Variants in USP40 observed in about 807,000 individuals in gnomAD.
USP40 encodes the protein ubiquitin specific peptidase 40.
In USP40, 143 loss-of-function variants were observed where a neutral mutation model predicts 166.2. The ratio of observed to expected loss-of-function variants is 0.86; its 90% CI spans 0.75 to 0.99. The LOEUF is 0.99. Among genes scored for constraint, USP40 ranks in the 50% least tolerant of loss-of-function variants. USP40 has a pLI of 0.00. For synonymous variants in USP40, 498 were observed against 524.0 expected, an observed-to-expected ratio of 0.95 and a Z score of 0.68; for missense variants, 1,444 against 1,479.7, an observed-to-expected ratio of 0.98 and a Z score of 0.40.
At chr2:233,520,171 A>C (rs1474101154) in intron 17 of USP40, among the ~76,000 whole-genome samples, 2 of 152,086 alleles carry the variant, frequency 1.3e-5, no homozygotes, top group African/African-American at 2.4e-5. Context: ...GTTTAACCTA[A>C]TTTCCTCTAG....
At chr2:233,547,082 A>G (rs2070017859) in intron 8 of USP40, 1 of 152,206 alleles carries the variant, frequency 6.6e-6, no homozygotes, top group Non-Finnish European at 1.5e-5. Context: ...AGCAAAAGAA[A>G]TGGAAGGCAA....
At position 233,477,195 on chromosome 2, in the gene USP40, C is replaced by T. The variant is rs959139862; in HGVS notation, c.*197G>A. 10 of 598,622 alleles carry T rather than the reference C, an allele frequency of 1.7e-5. No individual in the cohort carries two copies. Among genetic ancestry groups the T allele is most frequent in the Non-Finnish European group, 2.7e-5 (9 of 329,484 alleles). 37.1% of individuals were successfully genotyped at this position (598,622 alleles called of 1,614,324 possible). On this transcript the variant is annotated 3_prime_UTR_variant, in exon 32 of 32. Transcript: ENST00000678225. The stretch of plus-strand genomic sequence containing the variant: ...TGGGCGACATCCAGAGCTGCACCAG[C>T]CCCCGTGGCTGCCACGTGTTGCAGA...
At chr2:233,533,926 T>G (rs922469700) in intron 10 of USP40, 147 bp from the exon 11 acceptor site, 1 of 827,258 alleles carries the variant, frequency 1.2e-6, no homozygotes, top group Non-Finnish European at 1.8e-6. Flanking sequence ...AAAATCCATC[T>G]AGGTATCATA....
intron 19 of USP40, chr2:233,512,309 G>GA (rs2066893765): frequency 3.9e-6 from 1 of 254,778 alleles, no homozygotes; most frequent in African/African-American, 2.2e-5. Flanking sequence ...AATAAAGCTG[G>GA]AAAAAATATA....
chr2:233,527,655 C>T (rs1490658145), intron 12 of USP40, 77 bp from the exon 13 acceptor site: 31 of 1,302,652 alleles, frequency 2.4e-5, no homozygotes, highest in Non-Finnish European at 3.1e-5. Flanking sequence ...CCAAAGATAT[C>T]TGGCTTACAA....
Position 233,476,100 on chromosome 2 carries a change from G to C in USP40, c.*1292C>G, listed in dbSNP as rs1384558670. On this transcript the variant is annotated 3_prime_UTR_variant, in exon 32 of 32. Coordinates refer to ENST00000678225, the MANE Select transcript of USP40 (RefSeq NM_001365479.2). ...GCAGAAGCGACGTGGCTTCTGTCTG[G>C]TAGGGGTTTGGACTGTTGGGAGGAG... 1 of 152,398 alleles carries C rather than the reference G, an allele frequency of 6.6e-6. No individual in the cohort carries two copies. The highest frequency in any genetic ancestry group is 1.5e-5 in the Non-Finnish European group (1 of 68,080). 9.4% of individuals were successfully genotyped at this position (152,398 alleles called of 1,614,324 possible).
rs953336002 is a variant in USP40, at chr2:233,559,251, G to C, written c.381+560C>G. ...GTGAGAGAAAGCCCACATACAACAA[G>C]ATTCATAAAGAAAATGGAGAAGGTC... On this transcript the variant is annotated intron_variant, in intron 4 of 31. Transcript: ENST00000678225. Among the ~76,000 whole-genome samples the C allele has an allele frequency of 1.3e-4, 20 of 152,156 alleles. 1 individual carries two copies. Among genetic ancestry groups the C allele is most frequent in the Non-Finnish European group, 1.5e-5 (1 of 68,030 alleles).
intron 17 of USP40, 67 bp from the exon 18 acceptor site, chr2:233,519,738 C>T (rs2067523302): frequency 1.1e-6 from 1 of 875,724 alleles, no homozygotes; most frequent in Non-Finnish European, 1.8e-6. Context: ...TGAGGATTGT[C>T]ACTGTGTGCA....
intron 5 of USP40, among the ~76,000 whole-genome samples, chr2:233,555,636 CTTTT>C (rs1232616788): frequency 2.3e-5 from 3 of 129,022 alleles, no homozygotes; most frequent in Admixed American, 7.8e-5. Context: ...AAAAATCACT[CTTTT>C]TTTTTTTTTT....
rs936762312 is a variant in USP40 at position 233,476,611 on chromosome 2, G to C, written c.*781C>G. On this transcript the variant is annotated 3_prime_UTR_variant, in exon 32 of 32. Coordinates refer to ENST00000678225, the MANE Select transcript of USP40 (RefSeq NM_001365479.2). ...GCCCTGCCTGCCCCGCTTCCACACA[G>C]GAAGAGAGGCTGAGGCGCTGTGGAC... 1 of 152,538 alleles carries C rather than the reference G, an allele frequency of 6.6e-6. No homozygotes were observed. The highest frequency in any genetic ancestry group is 2.4e-5 in the African/African-American group (1 of 41,462). The allele number at this position is 152,538 out of a possible 1,614,324, so 9.4% of individuals were successfully genotyped here.
chr2:233,527,723 CTTTAA>C (rs2068140887), intron 12 of USP40, 145 bp from the exon 13 acceptor site: 9 of 708,796 alleles, frequency 1.3e-5, no homozygotes, highest in Admixed American at 3.5e-5. Context: ...CAATTAGTCA[CTTTAA>C]TTTTTCAGTC....
In USP40 at chr2:233,523,372, CAT is replaced by C. The variant is rs753369353; in HGVS notation, c.1997_1998del (p.His666ArgfsTer5). 1.9e-5 allele frequency: 30 copies of C among 1,613,898 alleles called. No homozygotes were observed. The highest frequency in any genetic ancestry group is 1.5e-4 in the Admixed American group (9 of 60,002). On this transcript the variant is annotated frameshift_variant, in exon 16 of 32. Coordinates refer to ENST00000678225, the MANE Select transcript of USP40 (RefSeq NM_001365479.2). LOFTEE classifies it high-confidence loss of function. ...CCCACTTCTGCATTAGCTGGAAAGA[CAT>C]GTGGAGATTCTATCACCTGACAACA... ...EKCCQVIESP[H>X]VFPANAEVGT...
intron 5 of USP40, 178 bp downstream of exon 5, chr2:233,556,677 A>T (rs1234376597): frequency 4.3e-6 from 2 of 468,268 alleles, no homozygotes; most frequent in Non-Finnish European, 7.0e-6. Context: ...CTTTCAATCT[A>T]CATGGAGAAA....
chr2:233,513,825 A>G (rs2066993395), intron 18 of USP40, among the ~76,000 whole-genome samples: 1 of 152,150 alleles, frequency 6.6e-6, no homozygotes, highest in African/African-American at 2.4e-5. Flanking sequence ...CAGTTCAAAC[A>G]GAATTCTTAA....
intron 10 of USP40, 132 bp from the exon 11 acceptor site, chr2:233,533,911 G>A (rs552502263): frequency 7.4e-5 from 70 of 940,632 alleles, no homozygotes; most frequent in African/African-American, 5.0e-4. Flanking sequence ...GGCCAGCTAC[G>A]GGGGAAAATC....
In USP40 at chr2:233,542,134, T is replaced by C. The variant is rs564373768; in HGVS notation, c.1062+134A>G. 3.1e-5 allele frequency: 13 copies of C among 424,046 alleles called. 1 individual carries two copies. The South Asian group carries it at 1.0e-3, about 33-fold the overall frequency. 26.3% of individuals were successfully genotyped at this position (424,046 alleles called of 1,614,324 possible). Reference sequence around the variant, plus strand: ...TAAAATATAGATACAGAGAATGTCCTTAAGGAAAGACTATGAATGGTAATA... The same window carrying C: ...TAAAATATAGATACAGAGAATGTCCCTAAGGAAAGACTATGAATGGTAATA... On this transcript the variant is annotated intron_variant, in intron 9 of 31. Coordinates refer to ENST00000678225, the MANE Select transcript of USP40 (RefSeq NM_001365479.2).
At chr2:233,517,185 G>A (rs1182723833) in intron 18 of USP40, among the ~76,000 whole-genome samples, 1 of 152,146 alleles carries the variant, frequency 6.6e-6, no homozygotes, top group Non-Finnish European at 1.5e-5. Flanking sequence ...CCATGTTGGT[G>A]TGGATATGGT....
chr2:233,546,522 G>C (rs1375382298), intron 8 of USP40: 1 of 152,196 alleles, frequency 6.6e-6, no homozygotes, highest in East Asian at 1.9e-4. Context: ...TACTCCCTGA[G>C]GTGGAACCTG....
intron 28 of USP40, chr2:233,487,916 C>A: frequency 1.8e-6 from 1 of 564,688 alleles, no homozygotes. Context: ...ATGATGAATC[C>A]GTTGGATGGC....
Sources: gnomAD v4.1 joint callset for allele counts (sites outside exome capture counted in the v4.1 genomes callset) on GRCh38, gnomAD v4.1.1 for gene constraint, MANE v1.5 for transcripts, NCBI Gene and HGNC (gene_info 2026-07-23, HGNC 2026-07-21) for gene names.